Variants in CHCHD3 observed in about 807,000 individuals in gnomAD.
CHCHD3 encodes the protein coiled-coil-helix-coiled-coil-helix domain containing 3.
In CHCHD3, 20 loss-of-function variants were observed where a neutral mutation model predicts 38.2. The ratio of observed to expected loss-of-function variants is 0.52; its 90% CI spans 0.37 to 0.76. CHCHD3 has a LOEUF of 0.76. Among genes scored for constraint, CHCHD3 ranks in the 30% least tolerant of loss-of-function variants. The pLI, the probability that CHCHD3 is intolerant of heterozygous loss-of-function variation, is 0.00. For synonymous variants in CHCHD3, 82 were observed against 100.0 expected, an observed-to-expected ratio of 0.82 and a Z score of 1.07; for missense variants, 245 against 279.2, an observed-to-expected ratio of 0.88 and a Z score of 0.87.
intron 5 of CHCHD3, among the ~76,000 whole-genome samples, chr7:132,839,234 T>C (rs189875242): frequency 1.1e-3 from 166 of 152,220 alleles, no homozygotes; most frequent in African/African-American, 3.9e-3. Flanking sequence ...TAAGTTGTTC[T>C]ATCATTTCCA....
chr7:133,015,337 C>T (rs1054001740), intron 3 of CHCHD3, among the ~76,000 whole-genome samples: 16 of 95,906 alleles, frequency 1.7e-4, no homozygotes, highest in Admixed American at 7.1e-4. Context: ...AGCCAGACAA[C>T]GTCTCAAAAA....
At chr7:132,826,134 T>C (rs1403949030) in intron 6 of CHCHD3, among the ~76,000 whole-genome samples, 1 of 152,176 alleles carries the variant, frequency 6.6e-6, no homozygotes, top group African/African-American at 2.4e-5. Context: ...AGAGTCTGCA[T>C]AGATGGCTCT....
At chr7:132,924,641 A>C (rs1810335327) in intron 4 of CHCHD3, among the ~76,000 whole-genome samples, 1 of 152,332 alleles carries the variant, frequency 6.6e-6, no homozygotes, top group Non-Finnish European at 1.5e-5. Flanking sequence ...ATGATGCCAG[A>C]GTTCAAACTG....
chr7:132,872,176 A>G (rs1808782128), intron 5 of CHCHD3, among the ~76,000 whole-genome samples: 1 of 152,232 alleles, frequency 6.6e-6, no homozygotes, highest in South Asian at 2.1e-4. Context: ...AAGTTCAAAT[A>G]GTTCTAGGAT....
intron 7 of CHCHD3, among the ~76,000 whole-genome samples, chr7:132,794,132 T>G (rs1465247560): frequency 6.6e-6 from 1 of 152,324 alleles, no homozygotes; most frequent in East Asian, 1.9e-4. Flanking sequence ...ACCTTCAGAC[T>G]CTGTCCCCCG....
chr7:132,956,801 T>C (rs1385862914), intron 4 of CHCHD3, among the ~76,000 whole-genome samples: 1 of 152,216 alleles, frequency 6.6e-6, no homozygotes, highest in Non-Finnish European at 1.5e-5. Context: ...TAGGAAGTTA[T>C]GACATTAATC....
intron 4 of CHCHD3, among the ~76,000 whole-genome samples, chr7:132,945,623 A>C (rs1387897165): frequency 6.6e-6 from 1 of 151,978 alleles, no homozygotes; most frequent in Non-Finnish European, 1.5e-5. Context: ...ATAAGGTAAC[A>C]TTACTACGAG....
intron 3 of CHCHD3, among the ~76,000 whole-genome samples, chr7:132,995,446 A>G (rs147379206): frequency 1.3e-5 from 2 of 152,350 alleles, no homozygotes; most frequent in East Asian, 3.9e-4. Context: ...TGTTAGCTGT[A>G]GGCACTATGC....
intron 2 of CHCHD3, among the ~76,000 whole-genome samples, chr7:133,066,105 T>G (rs1168318043): frequency 1.3e-5 from 2 of 152,252 alleles, no homozygotes; most frequent in Admixed American, 1.3e-4. Flanking sequence ...ATGCGGTTAC[T>G]GAGCATAAAA....
At chr7:132,956,155 T>C (rs563584447) in intron 4 of CHCHD3, among the ~76,000 whole-genome samples, 6 of 152,236 alleles carry the variant, frequency 3.9e-5, no homozygotes, top group Non-Finnish European at 8.8e-5. Context: ...GACACAAGAC[T>C]GCAACATTAA....
chr7:133,040,072 T>C (rs1045001013), intron 2 of CHCHD3, among the ~76,000 whole-genome samples: 1 of 152,122 alleles, frequency 6.6e-6, no homozygotes, highest in Non-Finnish European at 1.5e-5. Context: ...ACCCCACATA[T>C]CTTACTAAAA....
intron 4 of CHCHD3, among the ~76,000 whole-genome samples, chr7:132,971,538 T>C (rs2117325498): frequency 6.6e-6 from 1 of 152,004 alleles, no homozygotes; most frequent in East Asian, 1.9e-4. Context: ...AGCTAGCTGC[T>C]AAAACAACTG....
chr7:132,897,687 T>A (rs1004918576), intron 4 of CHCHD3, among the ~76,000 whole-genome samples: 2 of 152,222 alleles, frequency 1.3e-5, no homozygotes, highest in Non-Finnish European at 2.9e-5. Context: ...TTTGTAGCAA[T>A]TTTCAGCCCT....
At chr7:132,841,431 A>C (rs4731906) in intron 5 of CHCHD3, among the ~76,000 whole-genome samples, 85,499 of 125,102 alleles carry the variant, frequency 0.68, 26,509 homozygotes, top group East Asian at 0.93. Context: ...ACAACAACAA[A>C]AAAAAAAAAA....
intron 4 of CHCHD3, among the ~76,000 whole-genome samples, chr7:132,944,309 T>G (rs12386603): frequency 0.022 from 3,316 of 151,966 alleles, 54 homozygotes; most frequent in South Asian, 0.066. Context: ...CAACTGCTCC[T>G]CTATCAAGAC....
At chr7:132,890,514 C>T (rs776978319) in intron 4 of CHCHD3, among the ~76,000 whole-genome samples, 2 of 152,184 alleles carry the variant, frequency 1.3e-5, no homozygotes, top group Non-Finnish European at 2.9e-5. Flanking sequence ...GGTGACAACA[C>T]AACCACTTAG....
intron 5 of CHCHD3, among the ~76,000 whole-genome samples, chr7:132,875,770 A>G (rs1031632568): frequency 1.3e-5 from 2 of 152,232 alleles, no homozygotes; most frequent in Admixed American, 1.3e-4. Flanking sequence ...AGTCCCCAAA[A>G]TTCTGATAAG....
chr7:132,895,033 T>C (rs981842520), intron 4 of CHCHD3, among the ~76,000 whole-genome samples: 1 of 152,248 alleles, frequency 6.6e-6, no homozygotes, highest in Non-Finnish European at 1.5e-5. Flanking sequence ...TGGGATTTTA[T>C]TGGTGAAAAT....
intron 5 of CHCHD3, among the ~76,000 whole-genome samples, chr7:132,867,781 T>C (rs1268273518): frequency 2.0e-5 from 3 of 152,098 alleles, no homozygotes; most frequent in Non-Finnish European, 4.4e-5. Context: ...TGGATAAACT[T>C]CAAAAGAAAA....
Sources: allele counts gnomAD v4.1 joint callset (sites outside exome capture counted in the v4.1 genomes callset), GRCh38; gene constraint gnomAD v4.1.1; transcripts MANE v1.5; gene names NCBI Gene and HGNC (gene_info 2026-07-23, HGNC 2026-07-21).